Variants in GALNT13 observed in about 807,000 individuals in gnomAD.
The protein encoded by GALNT13 is polypeptide N-acetylgalactosaminyltransferase 13.
Under a neutral mutation model 64.2 loss-of-function variants are expected in GALNT13, and 28 were observed. The ratio of observed to expected loss-of-function variants is 0.44; its 90% CI spans 0.32 to 0.60. The LOEUF (loss-of-function observed/expected upper bound fraction) is 0.60. Among genes scored for constraint, GALNT13 ranks in the 20% least tolerant of loss-of-function variants. The pLI is 0.05. For missense variants in GALNT13, 577 were observed against 669.8 expected (o/e 0.86, Z 1.53); for synonymous variants, 214 against 224.6 (o/e 0.95, Z 0.42).
At chr2:153,628,058 C>A in the GALNT13 span, among the ~76,000 whole-genome samples, 1 of 152,118 alleles carries the variant, frequency 6.6e-6, no homozygotes, top group Admixed American at 6.6e-5. Flanking sequence ...TTGAAGCGGT[C>A]CTTCACGTCC....
the GALNT13 span, among the ~76,000 whole-genome samples, chr2:153,311,686 C>A: frequency 6.6e-6 from 1 of 152,194 alleles, no homozygotes; most frequent in African/African-American, 2.4e-5. Flanking sequence ...GCCTCATAGC[C>A]TGCAGCTGGC....
rs181368604 is a variant in GALNT13 at position 153,964,457 on chromosome 2, A to G, written c.142+19818A>G. On this transcript the variant is annotated intron_variant, in intron 3 of 12. Coordinates refer to ENST00000392825, the MANE Select transcript of GALNT13 (RefSeq NM_052917.4). The stretch of plus-strand genomic sequence containing the variant: ...GAGCAAGACTCTGTCTCAAAGCAAA[A>G]AAAAGAACAGCATTTTCATATATTT... 2.3e-3 allele frequency among the ~76,000 whole-genome samples: 355 copies of G among 152,292 alleles called. 1 individual carries two copies. Among genetic ancestry groups the G allele is most frequent in the Non-Finnish European group, 4.1e-3 (276 of 68,026 alleles).
At chr2:153,631,349 T>A in the GALNT13 span, among the ~76,000 whole-genome samples, 1 of 152,184 alleles carries the variant, frequency 6.6e-6, no homozygotes, top group East Asian at 1.9e-4. Context: ...CTGGGTCAAA[T>A]GGTATTTCTA....
chr2:153,126,944 C>T, the GALNT13 span, among the ~76,000 whole-genome samples: 1 of 152,094 alleles, frequency 6.6e-6, no homozygotes, highest in African/African-American at 2.4e-5. Flanking sequence ...CGTTGGCTGG[C>T]TGGCTGACCT....
intron 4 of GALNT13, among the ~76,000 whole-genome samples, chr2:154,169,715 C>T (rs1404212250): frequency 6.6e-6 from 1 of 152,178 alleles, no homozygotes; most frequent in Non-Finnish European, 1.5e-5. Context: ...GAGCTGCTCA[C>T]TGGCAGCACT....
the GALNT13 span, among the ~76,000 whole-genome samples, chr2:153,107,329 A>G: frequency 6.6e-6 from 1 of 152,160 alleles, no homozygotes; most frequent in Non-Finnish European, 1.5e-5. Flanking sequence ...GTGGTTTTCC[A>G]AATGGGCTAA....
At chr2:154,000,411 A>G (rs2105218558) in intron 3 of GALNT13, among the ~76,000 whole-genome samples, 1 of 151,824 alleles carries the variant, frequency 6.6e-6, no homozygotes, top group Admixed American at 6.6e-5. Context: ...GTTTATTTGA[A>G]ACCTTTCTTC....
At chr2:153,920,845 A>G (rs34164813) in intron 2 of GALNT13, among the ~76,000 whole-genome samples, 30,610 of 152,228 alleles carry the variant, frequency 0.2, 3,762 homozygotes, top group Admixed American at 0.37. Context: ...AAAAGAAGAC[A>G]TGTATGTGAC....
chr2:153,646,838 C>T, the GALNT13 span, among the ~76,000 whole-genome samples: 1 of 152,072 alleles, frequency 6.6e-6, no homozygotes, highest in Non-Finnish European at 1.5e-5. Context: ...GTATATGTGC[C>T]ACATTTTCTT....
At chr2:154,181,796 AAAT>A (rs1356346141) in intron 4 of GALNT13, among the ~76,000 whole-genome samples, 1 of 152,044 alleles carries the variant, frequency 6.6e-6, no homozygotes, top group Non-Finnish European at 1.5e-5. Flanking sequence ...TATTTAACAT[AAAT>A]AATATTTCAC....
chr2:154,066,408 A>G (rs1339659367), intron 3 of GALNT13, among the ~76,000 whole-genome samples: 2 of 152,132 alleles, frequency 1.3e-5, no homozygotes, highest in African/African-American at 4.8e-5. Context: ...ATTTAGCCCC[A>G]AAAAGACTAC....
At chr2:153,279,536 C>T in the GALNT13 span, among the ~76,000 whole-genome samples, 3 of 152,076 alleles carry the variant, frequency 2.0e-5, no homozygotes, top group Admixed American at 6.5e-5. Flanking sequence ...TATGTTCCTT[C>T]GATGCCTAGT....
chr2:153,759,599 T>C, the GALNT13 span, among the ~76,000 whole-genome samples: 1 of 152,172 alleles, frequency 6.6e-6, no homozygotes, highest in African/African-American at 2.4e-5. Flanking sequence ...TAATGAGGTA[T>C]ATCATTCTTA....
chr2:153,463,161 T>C, the GALNT13 span, among the ~76,000 whole-genome samples: 1 of 152,046 alleles, frequency 6.6e-6, no homozygotes, highest in Admixed American at 6.6e-5. Context: ...TGATAAATAA[T>C]TTAAAAAGTA....
At chr2:154,083,878 G>A (rs947391690) in intron 3 of GALNT13, among the ~76,000 whole-genome samples, 1 of 151,804 alleles carries the variant, frequency 6.6e-6, no homozygotes, top group Non-Finnish European at 1.5e-5. Flanking sequence ...TTAGTAATAA[G>A]AGTAGTTTGC....
chr2:153,391,848 A>G, the GALNT13 span, among the ~76,000 whole-genome samples: 1 of 151,628 alleles, frequency 6.6e-6, no homozygotes, highest in African/African-American at 2.4e-5. Flanking sequence ...TTATTTTAAA[A>G]CTACTTTGCA....
At chr2:153,611,474 T>C in the GALNT13 span, among the ~76,000 whole-genome samples, 1 of 152,040 alleles carries the variant, frequency 6.6e-6, no homozygotes, top group East Asian at 2.0e-4. Context: ...GTTCAAGCAA[T>C]TCTCCAGCCT....
chr2:154,187,525 T>C (rs1262512779), intron 4 of GALNT13, among the ~76,000 whole-genome samples: 2 of 152,006 alleles, frequency 1.3e-5, no homozygotes, highest in Non-Finnish European at 2.9e-5. Context: ...GAAAATTTCC[T>C]TTTTTTGAAT....
chr2:154,205,331 T>G (rs74903966), intron 4 of GALNT13, among the ~76,000 whole-genome samples: 1 of 152,224 alleles, frequency 6.6e-6, no homozygotes, highest in Non-Finnish European at 1.5e-5. Flanking sequence ...ACCTGTGTTC[T>G]CTAACTGTGG....
Sources: gnomAD v4.1 joint callset for allele counts (sites outside exome capture counted in the v4.1 genomes callset) on GRCh38, gnomAD v4.1.1 for gene constraint, MANE v1.5 for transcripts, NCBI Gene and HGNC (gene_info 2026-07-23, HGNC 2026-07-21) for gene names.